The following FRK variants were observed in gnomAD, a reference collection of about 807,000 sequenced individuals.
FRK encodes tyrosine-protein kinase FRK.
FRK carries 51 observed loss-of-function variants against 56.4 expected under a neutral mutation model. The ratio of observed to expected loss-of-function variants is 0.90; its 90% CI spans 0.72 to 1.14. The LOEUF is 1.14. Ranked by LOEUF, FRK falls within the 50% of genes most tolerant of loss-of-function variation. FRK has a pLI of 0.00. For missense variants in FRK, 570 were observed against 601.4 expected, an observed-to-expected ratio of 0.95 and a Z score of 0.55; for synonymous variants, 245 against 217.9, an observed-to-expected ratio of 1.12 and a Z score of -1.10.
chr6:116,032,185 G>A (rs746969474), intron 1 of FRK, among the ~76,000 whole-genome samples: 1 of 151,776 alleles, frequency 6.6e-6, no homozygotes, highest in Non-Finnish European at 1.5e-5. Context: ...GATCAACACA[G>A]GTAAAAATCA....
rs368852632 is a variant in FRK at position 115,991,625 on chromosome 6, C to T, written c.466+12252G>A. Among the ~76,000 whole-genome samples the T allele has an allele frequency of 2.0e-3, 298 of 151,846 alleles. 1 individual carries two copies. The highest frequency in any genetic ancestry group is 6.9e-3 in the African/African-American group (288 of 41,506). ...CCATTTATTCCTGAAATAAAACCCA[C>T]TTGATCATGATGAATTATCTTTTTG... On this transcript the variant is annotated intron_variant, in intron 2 of 7. Transcript: ENST00000606080.
chr6:116,082,622 C>G, the FRK span, among the ~76,000 whole-genome samples: 9,265 of 152,156 alleles, frequency 0.061, 421 homozygotes, highest in Admixed American at 0.14. Flanking sequence ...AAGAATGGCT[C>G]CAAGCATTTT....
upstream of FRK, among the ~76,000 whole-genome samples, chr6:116,061,458 T>C (rs1777623110): frequency 6.7e-6 from 1 of 149,276 alleles, no homozygotes; most frequent in Non-Finnish European, 1.5e-5. Flanking sequence ...AGGTGACCAG[T>C]AGAGAAAAAA....
At chr6:115,986,148 C>T (rs930254137) in intron 2 of FRK, among the ~76,000 whole-genome samples, 4 of 151,982 alleles carry the variant, frequency 2.6e-5, no homozygotes, top group African/African-American at 7.2e-5. Flanking sequence ...CTCCATCCCA[C>T]TTACTCAGGA....
intron 7 of FRK, 106 bp from the exon 8 acceptor site, chr6:115,942,731 C>A: frequency 5.0e-6 from 5 of 1,009,110 alleles, no homozygotes; most frequent in Non-Finnish European, 7.4e-6. Context: ...AAGTCAATTT[C>A]TTTGGCAAAG....
In FRK at chr6:115,942,464, A is replaced by C. The variant is rs1416269108; in HGVS notation, c.1468T>G (p.Tyr490Asp). The change falls in exon 8 of 8, where the codon TAT (tyrosine) becomes GAT (aspartate). Residue 490 changes from tyrosine (Y) to aspartate (D), a missense_variant. Transcript: ENST00000606080. ...FETLRWKLED[Y>D]FETDSSYSDA... ...GAATATGAAGAGTCTGTTTCAAAATAGTCTTCAAGTTTCCAACGCAGTGTC... is the reference window on the plus strand; with the variant it reads ...GAATATGAAGAGTCTGTTTCAAAATCGTCTTCAAGTTTCCAACGCAGTGTC... 6.2e-7 allele frequency: 1 copy of C among 1,613,764 alleles called. No individual in the cohort carries two copies. The highest frequency in any genetic ancestry group is 1.3e-5 in the African/African-American group (1 of 75,036).
Position 116,029,354 on chromosome 6 carries a change from A to G in FRK, c.345-25356T>C, listed in dbSNP as rs547509469. 3.9e-5 allele frequency among the ~76,000 whole-genome samples: 6 copies of G among 152,282 alleles called. No homozygotes were observed. The South Asian group carries it at 1.2e-3, about 32-fold the overall frequency. ...TTTTGTCTGTTTTGTACACTGCTGTAACCCCAGGGCCTAAAATCATGCTCA... is the reference window on the plus strand; with the variant it reads ...TTTTGTCTGTTTTGTACACTGCTGTGACCCCAGGGCCTAAAATCATGCTCA... On this transcript the variant is annotated intron_variant, in intron 1 of 7. Transcript: ENST00000606080.
chr6:116,081,819 A>T, the FRK span, among the ~76,000 whole-genome samples: 5 of 152,174 alleles, frequency 3.3e-5, no homozygotes, highest in Non-Finnish European at 7.3e-5. Context: ...CCTATTATGC[A>T]TCATATGCTG....
chr6:115,952,496 T>C lies in FRK; in HGVS notation c.958+3956A>G, dbSNP rs2114542559. Among the ~76,000 whole-genome samples, 4 of 152,108 alleles carry C rather than the reference T, an allele frequency of 2.6e-5. No homozygotes were observed. In the South Asian group the frequency reaches 8.3e-4, roughly 32 times the overall value. On this transcript the variant is annotated intron_variant, in intron 5 of 7. Coordinates refer to ENST00000606080, the MANE Select transcript of FRK (RefSeq NM_002031.3). Reference sequence around the variant, plus strand: ...GTGGGACTGTAAACTAGTTCAACCATTGTGGAAGTCAGTGTGGTGATTCCT... The same window carrying C: ...GTGGGACTGTAAACTAGTTCAACCACTGTGGAAGTCAGTGTGGTGATTCCT...
chr6:116,083,447 A>G, the FRK span, among the ~76,000 whole-genome samples: 1 of 152,236 alleles, frequency 6.6e-6, no homozygotes, highest in East Asian at 1.9e-4. Context: ...GAAATAAAAA[A>G]TATCATCAGA....
At chr6:116,021,568 T>G (rs147312480) in intron 1 of FRK, among the ~76,000 whole-genome samples, 2 of 152,238 alleles carry the variant, frequency 1.3e-5, no homozygotes, top group East Asian at 3.9e-4. Flanking sequence ...ATTTTCTGCC[T>G]TATGATTTCT....
At chr6:116,078,448 T>G in the FRK span, among the ~76,000 whole-genome samples, 1 of 152,196 alleles carries the variant, frequency 6.6e-6, no homozygotes, top group Non-Finnish European at 1.5e-5. Flanking sequence ...GAGCTTGGGA[T>G]GGACACATAG....
At chr6:115,994,623 G>A (rs1774765852) in intron 2 of FRK, among the ~76,000 whole-genome samples, 1 of 152,084 alleles carries the variant, frequency 6.6e-6, no homozygotes. Context: ...GTTATGACCT[G>A]CAATTGCAAT....
At position 116,010,184 on chromosome 6, in the gene FRK, C is replaced by T. The variant is rs533628422; in HGVS notation, c.345-6186G>A. 4.0e-5 allele frequency among the ~76,000 whole-genome samples: 6 copies of T among 151,546 alleles called. No individual in the cohort carries two copies. The South Asian group carries it at 1.0e-3, about 26-fold the overall frequency. ...TTGCAGTGAGCCGAGATCATGCCAT[C>T]GCCTGGGCAACAGAGTGAGATTCTG... On this transcript the variant is annotated intron_variant, in intron 1 of 7. Coordinates refer to ENST00000606080, the MANE Select transcript of FRK (RefSeq NM_002031.3).
intron 1 of FRK, among the ~76,000 whole-genome samples, chr6:116,030,436 C>T (rs1193630495): frequency 6.6e-6 from 1 of 152,130 alleles, no homozygotes; most frequent in East Asian, 1.9e-4. Context: ...AGCTCTCTGG[C>T]ACAAAGCTCC....
intron 1 of FRK, among the ~76,000 whole-genome samples, chr6:116,015,186 C>T (rs1775605680): frequency 6.6e-6 from 1 of 152,120 alleles, no homozygotes; most frequent in Admixed American, 6.5e-5. Flanking sequence ...GGGAAGGGAC[C>T]TGGTGGGAGA....
chr6:115,943,132 C>T lies in FRK; in HGVS notation c.1194G>A (p.Lys398=). ...TACGAATGGCTTCGGGCGCAGTCCA[C>T]TTCACCGGCAGCTTTATTTCGTGTC... The part of the protein sequence containing the change: ...ESRHEIKLPV[K]WTAPEAIRSN... Residue 398 remains lysine, a synonymous_variant, in exon 7 of 8, where the codon AAG becomes AAA. Transcript: ENST00000606080. The T allele has an allele frequency of 1.2e-6, 2 of 1,613,074 alleles. No individual in the cohort carries two copies. Among genetic ancestry groups the T allele is most frequent in the Non-Finnish European group, 1.7e-6 (2 of 1,179,534 alleles).
chr6:116,066,447 G>A, the FRK span, among the ~76,000 whole-genome samples: 1 of 147,610 alleles, frequency 6.8e-6, no homozygotes, highest in Non-Finnish European at 1.5e-5. Flanking sequence ...GTGTGTGTGT[G>A]TGTATGTGTG....
chr6:115,973,052 T>C (rs1260400762), intron 2 of FRK, among the ~76,000 whole-genome samples: 3 of 152,202 alleles, frequency 2.0e-5, no homozygotes, highest in African/African-American at 7.2e-5. Flanking sequence ...TTCCTTTACA[T>C]TAAAATACAA....
Sources: allele counts gnomAD v4.1 joint callset (sites outside exome capture counted in the v4.1 genomes callset), GRCh38; gene constraint gnomAD v4.1.1; transcripts MANE v1.5; gene names NCBI Gene and HGNC (gene_info 2026-07-23, HGNC 2026-07-21).